The following IQCM variants were observed in gnomAD, a reference collection of about 807,000 sequenced individuals.
IQCM encodes the protein IQ domain-containing protein M.
Under a neutral mutation model 57.6 loss-of-function variants are expected in IQCM, and 45 were observed. That is an observed-to-expected ratio of 0.78 (90% CI 0.62 to 1.00). The LOEUF (loss-of-function observed/expected upper bound fraction) is 1.00, where lower values mean the gene tolerates loss of function less well. Among genes scored for constraint, IQCM ranks in the 50% least tolerant of loss-of-function variants. IQCM has a pLI of 0.00. For synonymous variants in IQCM, 148 were observed against 158.9 expected (o/e 0.93, Z 0.51); for missense variants, 468 against 511.6 (o/e 0.91, Z 0.82).
rs57371181 is a variant in IQCM at position 149,523,949 on chromosome 4, A to G, written c.1228+24506T>C. ...TAGTAACTTGTTCATACATAATTGC[A>G]TATATAGTGTTTATAACAGCTTTGT... On this transcript the variant is annotated intron_variant, in intron 12 of 13. Transcript: ENST00000636793. Among the ~76,000 whole-genome samples, 487 of 152,322 alleles carry G rather than the reference A, an allele frequency of 3.2e-3. 2 individuals are homozygous for G. Among genetic ancestry groups the G allele is most frequent in the African/African-American group, 0.011 (444 of 41,574 alleles).
At chr4:149,505,280 A>G (rs1259639145) in intron 12 of IQCM, among the ~76,000 whole-genome samples, 1 of 152,186 alleles carries the variant, frequency 6.6e-6, no homozygotes, top group African/African-American at 2.4e-5. Context: ...CAATGACTAG[A>G]TGTAATTTTA....
At chr4:149,749,764 T>C (rs1185154201) in intron 2 of IQCM, among the ~76,000 whole-genome samples, 1 of 152,208 alleles carries the variant, frequency 6.6e-6, no homozygotes, top group Non-Finnish European at 1.5e-5. Flanking sequence ...ATTAGAACCC[T>C]GAAAATACTA....
chr4:149,766,299 T>C (rs924055818), intron 2 of IQCM, among the ~76,000 whole-genome samples: 2 of 152,160 alleles, frequency 1.3e-5, no homozygotes, highest in African/African-American at 4.8e-5. Context: ...TCTGTGTTCT[T>C]GGAAAATGTT....
chr4:149,589,189 G>A (rs1047555320), intron 8 of IQCM, among the ~76,000 whole-genome samples: 4 of 152,012 alleles, frequency 2.6e-5, no homozygotes, highest in African/African-American at 9.6e-5. Context: ...ATAGGGAAGA[G>A]GAATTTGAAG....
At chr4:149,435,719 CAG>C (rs1413974820) in intron 12 of IQCM, among the ~76,000 whole-genome samples, 6 of 151,716 alleles carry the variant, frequency 4.0e-5, no homozygotes, top group African/African-American at 1.5e-4. Context: ...AGGAGAAAGA[CAG>C]TGAATATTGA....
At chr4:149,498,923 A>G (rs991492038) in intron 12 of IQCM, among the ~76,000 whole-genome samples, 1 of 152,172 alleles carries the variant, frequency 6.6e-6, no homozygotes, top group Non-Finnish European at 1.5e-5. Context: ...AAAAAGTTAG[A>G]TATTTGTCTG....
chr4:149,565,126 A>T (rs1750491344), intron 9 of IQCM, among the ~76,000 whole-genome samples: 1 of 152,104 alleles, frequency 6.6e-6, no homozygotes, highest in South Asian at 2.1e-4. Context: ...CCACTGACTG[A>T]GATGCCCAGG....
chr4:149,685,054 A>G (rs1459901240), intron 6 of IQCM, among the ~76,000 whole-genome samples: 1 of 151,534 alleles, frequency 6.6e-6, no homozygotes, highest in African/African-American at 2.4e-5. Context: ...AGAAGAAACA[A>G]TTCTTCGGAA....
chr4:149,469,564 G>A (rs1739269311), intron 12 of IQCM, among the ~76,000 whole-genome samples: 3 of 152,214 alleles, frequency 2.0e-5, no homozygotes, highest in Admixed American at 6.5e-5. Context: ...ATATTATCCA[G>A]GAGAACTTCC....
At chr4:149,671,350 G>C (rs1231090352) in intron 7 of IQCM, among the ~76,000 whole-genome samples, 2 of 151,998 alleles carry the variant, frequency 1.3e-5, no homozygotes, top group African/African-American at 4.8e-5. Context: ...ATTTTTTATT[G>C]TGTCTATTTG....
chr4:149,455,441 T>C (rs1737590612), intron 12 of IQCM, among the ~76,000 whole-genome samples: 1 of 152,070 alleles, frequency 6.6e-6, no homozygotes, highest in Non-Finnish European at 1.5e-5. Context: ...AACATATGAC[T>C]GTTCATGTAT....
intron 12 of IQCM, among the ~76,000 whole-genome samples, chr4:149,481,639 C>T (rs1453276719): frequency 1.0e-5 from 1 of 97,460 alleles, no homozygotes. Flanking sequence ...GTACCATGTT[C>T]TTTTGGTTAC....
At chr4:149,452,414 G>T (rs959967902) in intron 12 of IQCM, among the ~76,000 whole-genome samples, 1 of 150,532 alleles carries the variant, frequency 6.6e-6, no homozygotes, top group African/African-American at 2.4e-5. Context: ...AATGAAGAAC[G>T]TATACTATCA....
intron 5 of IQCM, among the ~76,000 whole-genome samples, chr4:149,703,336 A>T (rs1459997979): frequency 1.3e-5 from 2 of 151,946 alleles, no homozygotes; most frequent in Non-Finnish European, 2.9e-5. Flanking sequence ...CTTAAAATCA[A>T]TTAATTCTTA....
At chr4:149,525,904 A>G (rs1746111838) in intron 12 of IQCM, among the ~76,000 whole-genome samples, 1 of 151,838 alleles carries the variant, frequency 6.6e-6, no homozygotes, top group African/African-American at 2.4e-5. Context: ...GAAAAAGACA[A>G]ATAAAAAATT....
At chr4:149,748,553 C>G (rs1467155953) in intron 2 of IQCM, 2 of 152,016 alleles carry the variant, frequency 1.3e-5, no homozygotes, top group Non-Finnish European at 2.9e-5. Context: ...ATGGGTAAAA[C>G]CAACTATTCT....
At chr4:149,807,380 T>C (rs539051820) in intron 2 of IQCM, among the ~76,000 whole-genome samples, 302 of 152,120 alleles carry the variant, frequency 2.0e-3, no homozygotes, top group African/African-American at 6.9e-3. Flanking sequence ...GATATCCATA[T>C]GTAGAAGAAT....
At chr4:149,760,171 ATTC>A (rs1370436014) in intron 2 of IQCM, among the ~76,000 whole-genome samples, 1 of 152,108 alleles carries the variant, frequency 6.6e-6, no homozygotes, top group African/African-American at 2.4e-5. Flanking sequence ...AGGCCCAAAC[ATTC>A]AAGAGCAGCA....
chr4:149,491,607 G>A (rs376083568), intron 12 of IQCM, among the ~76,000 whole-genome samples: 1 of 152,148 alleles, frequency 6.6e-6, no homozygotes, highest in South Asian at 2.1e-4. Context: ...TCTTAAAGGT[G>A]AAATAGTATT....
Sources: allele counts gnomAD v4.1 joint callset (sites outside exome capture counted in the v4.1 genomes callset), GRCh38; gene constraint gnomAD v4.1.1; transcripts MANE v1.5; gene names NCBI Gene and HGNC (gene_info 2026-07-23, HGNC 2026-07-21).